EFCAB6: variants seen among roughly 807,000 people sequenced by gnomAD.
The protein encoded by EFCAB6 is EF-hand calcium binding domain 6.
Under a neutral mutation model 169.8 loss-of-function variants are expected in EFCAB6, and 156 were observed. The observed-to-expected ratio is 0.92, with a 90% CI of 0.81 to 1.05. EFCAB6 has a LOEUF of 1.05. Ranked by LOEUF, EFCAB6 falls within the 50% of genes least tolerant of loss-of-function variation. The pLI is 0.00. For synonymous variants in EFCAB6, 698 were observed against 676.4 expected (o/e 1.03, Z -0.50); for missense variants, 1,800 against 1,829.1 (o/e 0.98, Z 0.29).
chr22:43,537,073 A>C lies in EFCAB6; in HGVS notation c.4048+304T>G. 4.0e-6 allele frequency: 1 copy of C among 247,184 alleles called. No homozygotes were observed. The highest frequency in any genetic ancestry group is 7.7e-6 in the Non-Finnish European group (1 of 129,400). 15.3% of individuals were successfully genotyped at this position (247,184 alleles called of 1,614,324 possible). ...ACCTTTTCCATTTCCTTCTGCAGTC[A>C]GAGTCTGTGAACATTCACACTCTGC... On this transcript the variant is annotated intron_variant, in intron 29 of 31. Coordinates refer to ENST00000262726, the MANE Select transcript of EFCAB6 (RefSeq NM_022785.4). This position sits in a 1 kb window ranked among gnomAD's most constrained non-coding sequence, Gnocchi z 4.3.
intron 10 of EFCAB6, among the ~76,000 whole-genome samples, chr22:43,696,264 A>G (rs2058572199): frequency 7.3e-6 from 1 of 137,854 alleles, no homozygotes; most frequent in Admixed American, 7.2e-5. Flanking sequence ...ATACCTCTAC[A>G]CACCTCTAGA....
intron 6 of EFCAB6, among the ~76,000 whole-genome samples, chr22:43,741,672 T>C (rs575925908): frequency 3.3e-5 from 5 of 152,334 alleles, no homozygotes; most frequent in Admixed American, 6.5e-5. Flanking sequence ...ACGCAGCGGA[T>C]GCCCATAAGT....
intron 17 of EFCAB6, among the ~76,000 whole-genome samples, chr22:43,642,742 C>T (rs908468887): frequency 3.3e-5 from 5 of 152,202 alleles, no homozygotes; most frequent in African/African-American, 1.2e-4. Flanking sequence ...CCCAGCAAAA[C>T]AGAATCTTCA....
rs1419986001 is a variant in EFCAB6 at position 43,590,138 on chromosome 22, G to A, written c.2968C>T (p.Gln990Ter). ...CATCCACATTCTTCCAGCACTTCCT[G>A]CATCTTGCATATGGATATGTAGTTG... is the stretch of plus-strand genomic sequence containing the variant. ...KTNYISICKM[Q>*]EVLEECGCSL... Residue 990 changes from glutamine (Q) to a stop codon, truncating the protein, a stop_gained, in exon 24 of 32, where the codon CAG (glutamine) becomes TAG (stop). Coordinates refer to ENST00000262726, the MANE Select transcript of EFCAB6 (RefSeq NM_022785.4). LOFTEE classifies it high-confidence loss of function. The A allele has an allele frequency of 2.5e-6, 4 of 1,613,986 alleles. No homozygotes were observed. The highest frequency in any genetic ancestry group is 1.3e-5 in the African/African-American group (1 of 74,912).
At chr22:43,742,248 C>T (rs1005119144) in intron 6 of EFCAB6, among the ~76,000 whole-genome samples, 8 of 152,132 alleles carry the variant, frequency 5.3e-5, no homozygotes, top group South Asian at 2.1e-4. Flanking sequence ...TCATGACATG[C>T]GAAAGTTATG....
intron 17 of EFCAB6, among the ~76,000 whole-genome samples, chr22:43,644,330 G>C (rs577870317): frequency 1.3e-5 from 2 of 152,230 alleles, no homozygotes; most frequent in South Asian, 4.1e-4. Flanking sequence ...TTCACGATGG[G>C]GAACAAGCAG....
intron 4 of EFCAB6, among the ~76,000 whole-genome samples, chr22:43,765,782 C>T (rs1170143194): frequency 1.3e-5 from 2 of 151,934 alleles, no homozygotes; most frequent in African/African-American, 2.4e-5. Context: ...ACTTTGTACA[C>T]GAGTTTGTAC....
chr22:43,796,532 G>C (rs553106622), intron 2 of EFCAB6, among the ~76,000 whole-genome samples: 6 of 151,970 alleles, frequency 3.9e-5, no homozygotes, highest in African/African-American at 1.4e-4. Flanking sequence ...AATATCATCA[G>C]ACCCACCACA....
intron 13 of EFCAB6, among the ~76,000 whole-genome samples, chr22:43,676,689 A>C (rs993800331): frequency 1.1e-4 from 17 of 152,210 alleles, no homozygotes; most frequent in Non-Finnish European, 1.2e-4. Context: ...GTTGGTAGAA[A>C]ATGTCTACAT....
intron 21 of EFCAB6, among the ~76,000 whole-genome samples, chr22:43,612,973 G>A (rs2147679729): frequency 6.6e-6 from 1 of 150,482 alleles, no homozygotes; most frequent in South Asian, 2.1e-4. Context: ...TACTGTTGGT[G>A]GGAGTGTAAA....
chr22:43,735,834 T>A (rs2060117539), intron 7 of EFCAB6, 23 bp downstream of exon 7: 1 of 1,611,514 alleles, frequency 6.2e-7, no homozygotes, highest in African/African-American at 1.3e-5. Context: ...GAGCAATCTC[T>A]CACCGTGCCT....
At chr22:43,592,669 G>A (rs1051243177) in intron 23 of EFCAB6, among the ~76,000 whole-genome samples, 1 of 152,120 alleles carries the variant, frequency 6.6e-6, no homozygotes, top group African/African-American at 2.4e-5. Flanking sequence ...TCCTGGTCTG[G>A]GCAACAAGAC....
Position 43,540,133 on chromosome 22 carries a change from G to A in EFCAB6, c.3873C>T (p.His1291=), listed in dbSNP as rs1467881192. The A allele has an allele frequency of 2.5e-6, 4 of 1,613,908 alleles. No individual in the cohort carries two copies. The East Asian group carries it at 6.7e-5, about 27-fold the overall frequency. ...GGCAGGATGGAGAACTCACACAGGG[G>A]TGGCTCTGCGACTTTGACCCTGGTC... The part of the protein sequence containing the change: ...ELRPGSKSQS[H]PCTPASTTVI... The change falls in exon 28 of 32, where the codon CAC becomes CAT. Residue 1291 remains histidine, a synonymous_variant. Coordinates refer to ENST00000262726, the MANE Select transcript of EFCAB6 (RefSeq NM_022785.4).
intron 8 of EFCAB6, among the ~76,000 whole-genome samples, chr22:43,717,532 G>A (rs1394207126): frequency 1.3e-5 from 2 of 152,022 alleles, no homozygotes; most frequent in Non-Finnish European, 1.5e-5. Context: ...AGTAGACTAA[G>A]GTTATAGACA....
At position 43,532,595 on chromosome 22, in the gene EFCAB6, T is replaced by A. The variant is rs561265344; in HGVS notation, c.4234-1631A>T. On this transcript the variant is annotated intron_variant, in intron 30 of 31. Transcript: ENST00000262726. ...TGTCTAAAGTCTTTTTTTTTTTTTTTATTGTAAACTTGGTCTAAGCTTTTG... is the reference window on the plus strand; with the variant it reads ...TGTCTAAAGTCTTTTTTTTTTTTTTAATTGTAAACTTGGTCTAAGCTTTTG... Among the ~76,000 whole-genome samples, 60 of 149,012 alleles carry A rather than the reference T, an allele frequency of 4.0e-4. 1 individual carries two copies. Among genetic ancestry groups the A allele is most frequent in the South Asian group, 2.8e-3 (13 of 4,686 alleles).
chr22:43,532,580 C>CTT (rs34388230), intron 30 of EFCAB6, among the ~76,000 whole-genome samples: 3 of 146,298 alleles, frequency 2.1e-5, no homozygotes, highest in African/African-American at 7.6e-5. Context: ...TGTCTAAAGT[C>CTT]TTTTTTTTTT....
chr22:43,675,616 A>G (rs555770778), intron 13 of EFCAB6, among the ~76,000 whole-genome samples: 163 of 146,322 alleles, frequency 1.1e-3, no homozygotes, highest in African/African-American at 4.0e-3. Flanking sequence ...TATATAATAT[A>G]TTATACATAA....
intron 10 of EFCAB6, among the ~76,000 whole-genome samples, chr22:43,701,727 TAAA>T (rs60568189): frequency 1.0e-5 from 1 of 97,428 alleles, no homozygotes. Flanking sequence ...TTTTAAACAA[TAAA>T]AAAAAAAAAA....
intron 11 of EFCAB6, among the ~76,000 whole-genome samples, chr22:43,685,515 TTG>T (rs1386707835): frequency 3.3e-5 from 5 of 152,178 alleles, no homozygotes; most frequent in Non-Finnish European, 7.4e-5. Context: ...TGTGTGAGCA[TTG>T]TGTGTGTTGT....
Sources: allele counts gnomAD v4.1 joint callset (sites outside exome capture counted in the v4.1 genomes callset), GRCh38; gene constraint gnomAD v4.1.1; non-coding constraint Gnocchi (gnomAD v3.1); transcripts MANE v1.5; gene names NCBI Gene and HGNC (gene_info 2026-07-23, HGNC 2026-07-21).